Variants in WASF3 observed in about 807,000 individuals in gnomAD.
WASF3 encodes the protein WASP family member 3.
A neutral mutation model predicts 46.6 loss-of-function variants in WASF3; 11 were observed. The observed-to-expected ratio is 0.24, with a 90% confidence interval of 0.15 to 0.39. The LOEUF (loss-of-function observed/expected upper bound fraction) is 0.39. WASF3 is among the 10% of genes least tolerant of loss of function. The pLI is 1.00. For missense variants in WASF3, 576 were observed against 669.8 expected (o/e 0.86, Z 1.55); for synonymous variants, 242 against 259.7 (o/e 0.93, Z 0.65).
intron 1 of WASF3, among the ~76,000 whole-genome samples, chr13:26,578,360 C>T (rs547548259): frequency 2.2e-4 from 33 of 152,280 alleles, no homozygotes; most frequent in African/African-American, 7.7e-4. Context: ...GCTACCTTAG[C>T]ATTCATTTTA....
intron 7 of WASF3, among the ~76,000 whole-genome samples, chr13:26,678,505 A>G (rs1390386028): frequency 2.0e-5 from 3 of 151,976 alleles, no homozygotes; most frequent in Non-Finnish European, 4.4e-5. Context: ...ATTATATCCC[A>G]TGTTTTAGGT....
chr13:26,558,452 C>A (rs1879174556), intron 1 of WASF3, among the ~76,000 whole-genome samples: 1 of 142,130 alleles, frequency 7.0e-6, no homozygotes, highest in South Asian at 2.4e-4. Context: ...GGTGGGGCGG[C>A]CCGCGAGTGC....
intron 1 of WASF3, among the ~76,000 whole-genome samples, chr13:26,571,124 G>C (rs1879619846): frequency 6.6e-6 from 1 of 151,838 alleles, no homozygotes. Context: ...TTTTTCTATA[G>C]AATTTTTGCA....
upstream of WASF3, among the ~76,000 whole-genome samples, chr13:26,556,666 G>A (rs1879104236): frequency 6.6e-6 from 1 of 152,170 alleles, no homozygotes; most frequent in Non-Finnish European, 1.5e-5. Flanking sequence ...GCAAACTTTG[G>A]TGAAATTATT....
At chr13:26,665,221 AATT>A in intron 4 of WASF3, 59 bp downstream of exon 4, 2 of 1,584,328 alleles carry the variant, frequency 1.3e-6, no homozygotes, top group South Asian at 2.2e-5. Flanking sequence ...GGTAGTAATT[AATT>A]GCAGTGTAAT....
At chr13:26,685,574 C>T (rs1883377011) in intron 9 of WASF3, 114 bp from the exon 10 acceptor site, 1 of 1,299,978 alleles carries the variant, frequency 7.7e-7, no homozygotes, top group Non-Finnish European at 1.0e-6. Context: ...ATTTCTAAAA[C>T]TTTCTGTCCT....
chr13:26,685,241 T>TAGCA (rs1397232085), intron 9 of WASF3, among the ~76,000 whole-genome samples: 2 of 152,200 alleles, frequency 1.3e-5, no homozygotes. Context: ...TGAGAGTGAG[T>TAGCA]AGCATAGAAC....
rs1883450063 is a variant in WASF3 at position 26,687,663 on chromosome 13, C to G, written c.*1818C>G. ...CACCACTAGGCTGTCACTATAAATTCCTTGAATATAAGTAACAGTTATTAA... is the reference window on the plus strand; with the variant it reads ...CACCACTAGGCTGTCACTATAAATTGCTTGAATATAAGTAACAGTTATTAA... On this transcript the variant is annotated 3_prime_UTR_variant, in exon 10 of 10. Coordinates refer to ENST00000335327, the MANE Select transcript of WASF3 (RefSeq NM_006646.6). 6.6e-6 allele frequency: 1 copy of G among 151,704 alleles called. No individual in the cohort carries two copies. The highest frequency in any genetic ancestry group is 6.6e-5 in the Admixed American group (1 of 15,242). 9.4% of individuals were successfully genotyped at this position (151,704 alleles called of 1,614,324 possible).
In WASF3 at chr13:26,600,281, A is replaced by G. The variant is rs1880605489; in HGVS notation, c.-108-12680A>G. Reference sequence around the variant, plus strand: ...TAGTGGTTAAAAGCATGGTCTCTGAAAAAAGGTTTTCTAGGTTTGACTCTC... The same window carrying G: ...TAGTGGTTAAAAGCATGGTCTCTGAGAAAAGGTTTTCTAGGTTTGACTCTC... On this transcript the variant is annotated intron_variant, in intron 1 of 9. Coordinates refer to ENST00000335327, the MANE Select transcript of WASF3 (RefSeq NM_006646.6). Among the ~76,000 whole-genome samples, 4 of 152,222 alleles carry G rather than the reference A, an allele frequency of 2.6e-5. 1 individual carries two copies. In the South Asian group the frequency reaches 6.2e-4, roughly 24 times the overall value.
intron 1 of WASF3, among the ~76,000 whole-genome samples, chr13:26,565,370 C>G (rs1484504501): frequency 6.6e-6 from 1 of 151,984 alleles, no homozygotes; most frequent in East Asian, 1.9e-4. Flanking sequence ...GGCTGTTGCA[C>G]AGCTTAGAAT....
At chr13:26,608,701 G>A (rs1008448517) in intron 1 of WASF3, among the ~76,000 whole-genome samples, 5 of 152,230 alleles carry the variant, frequency 3.3e-5, no homozygotes, top group Non-Finnish European at 7.4e-5. Context: ...ATGGGGTATC[G>A]AAGCTCAGGT....
At chr13:26,650,238 G>A (rs960946687) in intron 3 of WASF3, among the ~76,000 whole-genome samples, 41 of 152,090 alleles carry the variant, frequency 2.7e-4, no homozygotes, top group Admixed American at 1.5e-3. Context: ...GAGGGGAAGC[G>A]GGAGTGAGAC....
intron 1 of WASF3, among the ~76,000 whole-genome samples, chr13:26,562,229 A>G (rs1261814294): frequency 6.6e-6 from 1 of 152,056 alleles, no homozygotes; most frequent in African/African-American, 2.4e-5. Flanking sequence ...GATCTGAGGC[A>G]CTCTTGTGTT....
chr13:26,569,157 GAAAAT>G (rs1879559262), intron 1 of WASF3, among the ~76,000 whole-genome samples: 1 of 152,134 alleles, frequency 6.6e-6, no homozygotes. Flanking sequence ...AGTAGGGAGA[GAAAAT>G]AAAATCACAA....
At chr13:26,669,952 T>C (rs1194202452) in intron 5 of WASF3, among the ~76,000 whole-genome samples, 1 of 152,214 alleles carries the variant, frequency 6.6e-6, no homozygotes, top group Non-Finnish European at 1.5e-5. Context: ...GTGTGGTGAT[T>C]CCTCAAGGAT....
In WASF3 at chr13:26,679,026, TCCGGCCCTC is replaced by T. The variant is rs539380531; in HGVS notation, c.717-2017_717-2009del. Among the ~76,000 whole-genome samples, 1 of 150,690 alleles carries T rather than the reference TCCGGCCCTC, an allele frequency of 6.6e-6. No individual in the cohort carries two copies. Among genetic ancestry groups the T allele is most frequent in the Admixed American group, 6.6e-5 (1 of 15,198 alleles). ...CTCCTCCTCCCGTGTCGGTGTCATC[TCCGGCCCTC>T]CCGGCCCTCCTCCTCCCATCGTCCC... On this transcript the variant is annotated intron_variant, in intron 7 of 9. Coordinates refer to ENST00000335327, the MANE Select transcript of WASF3 (RefSeq NM_006646.6). This position sits in a 1 kb window ranked among gnomAD's most constrained non-coding sequence, Gnocchi z 4.8.
chr13:26,676,722 T>A lies in WASF3; in HGVS notation c.714T>A (p.Thr238=). ...CCGAGGGATCCCTGTCCCCAGATACTAGGTGTGTGTGTGTCACTGCTCCCT... is the reference window on the plus strand; with the variant it reads ...CCGAGGGATCCCTGTCCCCAGATACAAGGTGTGTGTGTGTCACTGCTCCCT... ...ASSEGSLSPD[T]RSHASDVTDY... is the part of the protein sequence containing the mutation. Residue 238 remains threonine, a splice_region_variant and synonymous_variant, in exon 7 of 10, where the codon ACT becomes ACA. Transcript: ENST00000335327. The A allele has an allele frequency of 1.9e-6, 3 of 1,613,180 alleles. No homozygotes were observed. The highest frequency in any genetic ancestry group is 2.2e-5 in the South Asian group (2 of 90,906).
chr13:26,624,737 T>C lies in WASF3; in HGVS notation c.-11+11679T>C, dbSNP rs536077062. On this transcript the variant is annotated intron_variant, in intron 2 of 9. Transcript: ENST00000335327. Reference sequence around the variant, plus strand: ...GAAAGTCTTGCAGGCAGCCATAGTTTAAAGAAAATGAAACATTACAAACAG... The same window carrying C: ...GAAAGTCTTGCAGGCAGCCATAGTTCAAAGAAAATGAAACATTACAAACAG... Among the ~76,000 whole-genome samples the C allele has an allele frequency of 2.6e-5, 4 of 152,022 alleles. No individual in the cohort carries two copies. In the East Asian group the frequency reaches 7.7e-4, roughly 29 times the overall value.
chr13:26,557,537 C>A (rs1593362804), upstream of WASF3, among the ~76,000 whole-genome samples: 1 of 152,136 alleles, frequency 6.6e-6, no homozygotes, highest in South Asian at 2.1e-4. Flanking sequence ...CGTCGCTCAG[C>A]GCGCTCGCCG....
Sources: allele counts gnomAD v4.1 joint callset (sites outside exome capture counted in the v4.1 genomes callset), GRCh38; gene constraint gnomAD v4.1.1; non-coding constraint Gnocchi (gnomAD v3.1); transcripts MANE v1.5; gene names NCBI Gene and HGNC (gene_info 2026-07-23, HGNC 2026-07-21).